Variants in BEND7 observed in about 807,000 individuals in gnomAD.
The protein encoded by BEND7 is BEN domain-containing protein 7.
A neutral mutation model predicts 50.9 loss-of-function variants in BEND7; 28 were observed. That is an observed-to-expected ratio of 0.55 (90% CI 0.41 to 0.75). The LOEUF is 0.75. BEND7 is among the 30% of genes least tolerant of loss of function. BEND7 has a pLI of 0.00. For missense variants in BEND7, 477 were observed against 491.3 expected, an observed-to-expected ratio of 0.97 and a Z score of 0.28; for synonymous variants, 170 against 183.9, an observed-to-expected ratio of 0.92 and a Z score of 0.61.
At chr10:13,455,475 G>C (rs1203608633) in intron 6 of BEND7, among the ~76,000 whole-genome samples, 1 of 152,182 alleles carries the variant, frequency 6.6e-6, no homozygotes, top group Non-Finnish European at 1.5e-5. Flanking sequence ...GGTCAGTGAG[G>C]GCTGGGGAGG....
downstream of BEND7, chr10:13,438,844 G>C (rs1400705388): frequency 3.5e-6 from 1 of 286,356 alleles, no homozygotes; most frequent in Non-Finnish European, 6.6e-6. Context: ...CCATGATAAG[G>C]CCACTGTCCA....
In BEND7 at chr10:13,517,138, C is replaced by T. The variant is rs570043557; in HGVS notation, c.145+9000G>A. On this transcript the variant is annotated intron_variant, in intron 2 of 8. Coordinates refer to ENST00000466271, the MANE Select transcript of BEND7 (RefSeq NM_001369863.1). ...GGAGTGCAATGGTGCTATCTCAGCT[C>T]GCTGCAACTCCCACCCACTGGGCTC... Among the ~76,000 whole-genome samples, 127 of 149,760 alleles carry T rather than the reference C, an allele frequency of 8.5e-4. 2 individuals carry two copies. The highest frequency in any genetic ancestry group is 2.1e-3 in the African/African-American group (84 of 40,642).
chr10:13,492,314 G>T (rs2076720317), intron 5 of BEND7, among the ~76,000 whole-genome samples: 1 of 152,100 alleles, frequency 6.6e-6, no homozygotes, highest in Non-Finnish European at 1.5e-5. Context: ...CTACACTAAG[G>T]AAATTGAAAA....
At chr10:13,500,325 TG>T (rs1281203721) in intron 2 of BEND7, among the ~76,000 whole-genome samples, 1 of 152,234 alleles carries the variant, frequency 6.6e-6, no homozygotes, top group Non-Finnish European at 1.5e-5. Flanking sequence ...AGAGGTTTCT[TG>T]AGAGTGTGTC....
chr10:13,476,385 A>T (rs1191312729), intron 6 of BEND7, among the ~76,000 whole-genome samples: 1 of 152,198 alleles, frequency 6.6e-6, no homozygotes, highest in East Asian at 1.9e-4. Context: ...GGAGAGCGGC[A>T]GTTTGTGCTG....
intron 6 of BEND7, 93 bp downstream of exon 6, chr10:13,480,806 C>A: frequency 6.4e-7 from 1 of 1,557,394 alleles, no homozygotes; most frequent in Non-Finnish European, 8.7e-7. Flanking sequence ...TGAAACTGGC[C>A]ACTAGTCAGT....
chr10:13,440,645 G>A (rs963160787), downstream of BEND7, among the ~76,000 whole-genome samples: 3 of 152,256 alleles, frequency 2.0e-5, no homozygotes, highest in Non-Finnish European at 2.9e-5. Context: ...TGCCCGGCGA[G>A]GAGTGGCGCC....
At chr10:13,486,216 A>AG (rs1204152739) in intron 5 of BEND7, among the ~76,000 whole-genome samples, 1 of 152,158 alleles carries the variant, frequency 6.6e-6, no homozygotes, top group African/African-American at 2.4e-5. Context: ...TTTTGTAGAG[A>AG]GGGGGGTCTC....
chr10:13,452,404 C>A, intron 7 of BEND7, 135 bp downstream of exon 7: 1 of 977,454 alleles, frequency 1.0e-6, no homozygotes, highest in Non-Finnish European at 1.5e-6. Flanking sequence ...TTTAAGAGAG[C>A]AAATCAGCAT....
chr10:13,462,329 A>G (rs1177851368), intron 6 of BEND7, among the ~76,000 whole-genome samples: 1 of 152,220 alleles, frequency 6.6e-6, no homozygotes, highest in Admixed American at 6.5e-5. Flanking sequence ...CACATTTTAC[A>G]TGGTGGCAAG....
intron 6 of BEND7, among the ~76,000 whole-genome samples, chr10:13,468,445 C>A (rs1173810292): frequency 1.3e-5 from 2 of 151,978 alleles, no homozygotes; most frequent in South Asian, 4.2e-4. Flanking sequence ...GAGGAAGCAC[C>A]GGGAAATATG....
chr10:13,526,767 ACT>A (rs1195178310), intron 1 of BEND7, among the ~76,000 whole-genome samples: 1 of 152,008 alleles, frequency 6.6e-6, no homozygotes, highest in Non-Finnish European at 1.5e-5. Flanking sequence ...CACACAAGTG[ACT>A]CTTTCGCATT....
chr10:13,512,932 G>A (rs1315963703), intron 2 of BEND7, among the ~76,000 whole-genome samples: 1 of 152,152 alleles, frequency 6.6e-6, no homozygotes, highest in Admixed American at 6.5e-5. Context: ...TGGGGCTAAG[G>A]CAACAGTAAC....
At chr10:13,522,602 C>A (rs2079158646) in intron 2 of BEND7, among the ~76,000 whole-genome samples, 1 of 152,200 alleles carries the variant, frequency 6.6e-6, no homozygotes, top group Non-Finnish European at 1.5e-5. Context: ...CTCACCCTTC[C>A]CACCTGGAAT....
chr10:13,456,952 A>G (rs1260883703), intron 6 of BEND7, among the ~76,000 whole-genome samples: 1 of 152,206 alleles, frequency 6.6e-6, no homozygotes, highest in Admixed American at 6.5e-5. Context: ...CTGATCAGAT[A>G]ATTTCCAAAA....
chr10:13,525,483 T>C (rs2079395389), intron 2 of BEND7, among the ~76,000 whole-genome samples: 1 of 152,172 alleles, frequency 6.6e-6, no homozygotes, highest in Non-Finnish European at 1.5e-5. Flanking sequence ...GAGGAAAGCA[T>C]GCTGTTCCCC....
At chr10:13,445,905 G>A (rs1309980811) in intron 8 of BEND7, 3 of 152,192 alleles carry the variant, frequency 2.0e-5, no homozygotes, top group East Asian at 1.9e-4. Context: ...TCCCCTGAAG[G>A]GCCTTCTGAA....
intron 2 of BEND7, among the ~76,000 whole-genome samples, chr10:13,508,551 T>C (rs965059615): frequency 3.3e-5 from 5 of 151,864 alleles, no homozygotes; most frequent in African/African-American, 4.8e-5. Context: ...TGAAAAGGAG[T>C]ATCTAGACAC....
At chr10:13,475,437 T>C (rs2075350876) in intron 6 of BEND7, among the ~76,000 whole-genome samples, 1 of 152,222 alleles carries the variant, frequency 6.6e-6, no homozygotes, top group Admixed American at 6.5e-5. Context: ...ATCAAGTGTT[T>C]ACTCCCAAAC....
Sources: gnomAD v4.1 joint callset for allele counts (sites outside exome capture counted in the v4.1 genomes callset) on GRCh38, gnomAD v4.1.1 for gene constraint, MANE v1.5 for transcripts, NCBI Gene and HGNC (gene_info 2026-07-23, HGNC 2026-07-21) for gene names.